KDELR1: variants seen among roughly 807,000 people sequenced by gnomAD.
The protein encoded by KDELR1 is KDEL endoplasmic reticulum protein retention receptor 1.
KDELR1 carries 16 observed loss-of-function variants against 25.5 expected under a neutral mutation model. The ratio of observed to expected loss-of-function variants is 0.63; its 90% confidence interval spans 0.43 to 0.95. The LOEUF is 0.95. Among genes scored for constraint, KDELR1 ranks in the 40% least tolerant of loss-of-function variants. The probability of loss-of-function intolerance (pLI) is 0.00; values close to 1 mark genes in which losing one functional copy is unlikely to be tolerated. For synonymous variants in KDELR1, 121 were observed against 115.0 expected (o/e 1.05, Z -0.33); for missense variants, 159 against 265.2 (o/e 0.60, Z 2.78).
intron 2 of KDELR1, 148 bp downstream of exon 2, chr19:48,390,276 G>C: frequency 6.3e-6 from 3 of 478,528 alleles, no homozygotes; most frequent in Non-Finnish European, 1.1e-5. Flanking sequence ...TCTTCCCTCA[G>C]ACCCAAGAGT....
chr19:48,395,360 C>A (rs369410943), upstream of KDELR1, among the ~76,000 whole-genome samples: 8 of 151,818 alleles, frequency 5.3e-5, no homozygotes, highest in Non-Finnish European at 1.2e-4. Flanking sequence ...GCTATTAATA[C>A]CCCCGCCAAG....
In KDELR1 at chr19:48,391,458, C is replaced by G; in HGVS notation, c.-100G>C. 1 of 907,946 alleles carries G rather than the reference C, an allele frequency of 1.1e-6. No homozygotes were observed. The highest frequency in any genetic ancestry group is 1.7e-6 in the Non-Finnish European group (1 of 573,558). The allele number at this position is 907,946 out of a possible 1,614,324, so 56.2% of individuals were successfully genotyped here. A position where few individuals can be genotyped will look rare whatever the true frequency, so the allele number is the denominator to read the frequency against. On this transcript the variant is annotated 5_prime_UTR_variant, in exon 1 of 5. Transcript: ENST00000330720. ...TGAACGGGTAGCTGGGCTGGGGGGA[C>G]GGAAGAGGGACCCTAGGTGCGCTCC...
intron 4 of KDELR1, 132 bp from the exon 5 acceptor site, chr19:48,383,459 C>T: frequency 1.4e-6 from 1 of 738,440 alleles, no homozygotes; most frequent in Non-Finnish European, 2.3e-6. Flanking sequence ...CCAGGACTCA[C>T]AGATACATTC....
intron 3 of KDELR1, among the ~76,000 whole-genome samples, chr19:48,385,661 A>G (rs1970489798): frequency 6.6e-6 from 1 of 152,200 alleles, no homozygotes; most frequent in Non-Finnish European, 1.5e-5. Flanking sequence ...TGATCTGCAG[A>G]CACACTGAAA....
At chr19:48,388,174 G>A (rs1381202486) in intron 3 of KDELR1, among the ~76,000 whole-genome samples, 1 of 152,168 alleles carries the variant, frequency 6.6e-6, no homozygotes, top group Non-Finnish European at 1.5e-5. Flanking sequence ...GAGGCACAGG[G>A]TAGTTATGTG....
At chr19:48,389,999 GCC>G (rs1189827067) in intron 2 of KDELR1, among the ~76,000 whole-genome samples, 1 of 131,830 alleles carries the variant, frequency 7.6e-6, no homozygotes, top group Non-Finnish European at 1.6e-5. Flanking sequence ...TGGAGTCCAG[GCC>G]CCCAGCCCCT....
chr19:48,385,875 T>A (rs1385655620), intron 3 of KDELR1, among the ~76,000 whole-genome samples: 1 of 152,194 alleles, frequency 6.6e-6, no homozygotes, highest in African/African-American at 2.4e-5. Context: ...ATTCTACAGA[T>A]GAGGAAACTG....
At position 48,383,183 on chromosome 19, in the gene KDELR1, CA is replaced by C. The variant is rs1970469789; in HGVS notation, c.*109del. 1.7e-6 allele frequency: 2 copies of C among 1,165,176 alleles called. No individual in the cohort carries two copies. The highest frequency in any genetic ancestry group is 2.6e-5 in the East Asian group (1 of 39,150). The allele number at this position is 1,165,176 out of a possible 1,614,324, so 72.2% of individuals were successfully genotyped here. On this transcript the variant is annotated 3_prime_UTR_variant, in exon 5 of 5. Transcript: ENST00000330720. Reference sequence around the variant, plus strand: ...CCGGCAGGAGGCGGGATGGGGAGCACAAGAGGTGGGTTCTTAAAAAAGTCAC... The same window carrying C: ...CCGGCAGGAGGCGGGATGGGGAGCACAGAGGTGGGTTCTTAAAAAAGTCAC...
upstream of KDELR1, among the ~76,000 whole-genome samples, chr19:48,393,594 G>A (rs898552032): frequency 1.3e-5 from 2 of 152,138 alleles, no homozygotes; most frequent in Admixed American, 6.5e-5. The surrounding 1 kb of genome is among the most constrained non-coding windows in gnomAD (Gnocchi z 5.6). Context: ...GCAGGAGAAG[G>A]GGTCCCCAGG....
At position 48,384,317 on chromosome 19, in the gene KDELR1, C is replaced by T. The variant is rs1265951736; in HGVS notation, c.517G>A (p.Glu173Lys). Residue 173 changes from glutamate (E) to lysine (K), a missense_variant, in exon 4 of 5, where the codon GAG (glutamate) becomes AAG (lysine). Transcript: ENST00000330720. This position sits in a 1 kb window ranked among gnomAD's most constrained non-coding sequence, Gnocchi z 4.6. Reference protein sequence around the residue: ...LFNWIWRYHFEGFFDLIAIVA... With the variant: ...LFNWIWRYHFKGFFDLIAIVA... Reference sequence around the variant, plus strand: ...ATGGCGATGAGGTCGAAGAAGCCCTCGAAATGGTAGCGCCAGATCCAGTTG... The same window carrying T: ...ATGGCGATGAGGTCGAAGAAGCCCTTGAAATGGTAGCGCCAGATCCAGTTG... 1.2e-6 allele frequency: 2 copies of T among 1,614,208 alleles called. No individual in the cohort carries two copies. The highest frequency in any genetic ancestry group is 8.5e-7 in the Non-Finnish European group (1 of 1,180,050).
chr19:48,391,124 C>G (rs997191434), intron 1 of KDELR1, 144 bp downstream of exon 1: 4 of 733,748 alleles, frequency 5.5e-6, no homozygotes, highest in Non-Finnish European at 9.4e-6. Context: ...CCCTGGAGAC[C>G]CAGAACCTAG....
intron 1 of KDELR1, 145 bp downstream of exon 1, chr19:48,391,123 C>T: frequency 1.4e-6 from 1 of 726,890 alleles, no homozygotes; most frequent in Non-Finnish European, 2.4e-6. Context: ...CCCCTGGAGA[C>T]CCAGAACCTA....
intron 1 of KDELR1, chr19:48,390,740 T>G (rs1265018328): frequency 1.2e-5 from 6 of 521,176 alleles, no homozygotes; most frequent in African/African-American, 3.9e-5. Flanking sequence ...CAGGGCCCTT[T>G]CCCACGGACC....
At chr19:48,387,092 G>C (rs1049611106) in intron 3 of KDELR1, among the ~76,000 whole-genome samples, 2 of 148,858 alleles carry the variant, frequency 1.3e-5, no homozygotes, top group Non-Finnish European at 3.0e-5. Context: ...AAAGACGCCT[G>C]GGTTCTGGTC....
upstream of KDELR1, among the ~76,000 whole-genome samples, chr19:48,395,710 G>A (rs1203276258): frequency 1.3e-5 from 2 of 152,042 alleles, no homozygotes; most frequent in African/African-American, 4.8e-5. Flanking sequence ...GGATCTAAGT[G>A]GGGTGACTAG....
Position 48,391,477 on chromosome 19 carries a change from G to A in KDELR1, c.-119C>T. ...GGGGGACGGAAGAGGGACCCTAGGT[G>A]CGCTCCGCTCCGGGGAGGGGACTTT... On this transcript the variant is annotated 5_prime_UTR_variant, in exon 1 of 5. Transcript: ENST00000330720. 3 of 751,802 alleles carry A rather than the reference G, an allele frequency of 4.0e-6. No homozygotes were observed. Among genetic ancestry groups the A allele is most frequent in the South Asian group, 1.6e-5 (1 of 61,996 alleles). 46.6% of individuals were successfully genotyped at this position (751,802 alleles called of 1,614,324 possible).
chr19:48,389,522 C>A, intron 3 of KDELR1, 31 bp downstream of exon 3: 6 of 1,613,002 alleles, frequency 3.7e-6, no homozygotes, highest in African/African-American at 1.3e-5. Context: ...CAACCATCCC[C>A]CCAAATAAGG....
chr19:48,391,504 G>A lies in KDELR1; in HGVS notation c.-146C>T. The A allele has an allele frequency of 1.6e-6, 1 of 639,584 alleles. No homozygotes were observed. The highest frequency in any genetic ancestry group is 1.9e-5 in the South Asian group (1 of 53,986). The allele number at this position is 639,584 out of a possible 1,614,324, so 39.6% of individuals were successfully genotyped here. On this transcript the variant is annotated 5_prime_UTR_variant, in exon 1 of 5. Coordinates refer to ENST00000330720, the MANE Select transcript of KDELR1 (RefSeq NM_006801.3). Reference sequence around the variant, plus strand: ...GCTCCGCTCCGGGGAGGGGACTTTGGGAGGGGGAGCAAAGGCTGGAGCTGG... The same window carrying A: ...GCTCCGCTCCGGGGAGGGGACTTTGAGAGGGGGAGCAAAGGCTGGAGCTGG...
Position 48,384,572 on chromosome 19 carries a change from G to A in KDELR1, c.352-90C>T. 6.8e-7 allele frequency: 1 copy of A among 1,476,158 alleles called. No homozygotes were observed. The highest frequency in any genetic ancestry group is 9.1e-7 in the Non-Finnish European group (1 of 1,096,698). The allele number at this position is 1,476,158 out of a possible 1,614,324, so 91.4% of individuals were successfully genotyped here. A position where few individuals can be genotyped will look rare whatever the true frequency, so the allele number is the denominator to read the frequency against. ...ACATTGCAGTTACAGGTGCCGCGAAGGTGGAGAGAAGGAAGGTGATCCAGG... is the reference window on the plus strand; with the variant it reads ...ACATTGCAGTTACAGGTGCCGCGAAAGTGGAGAGAAGGAAGGTGATCCAGG... On this transcript the variant is annotated intron_variant, in intron 3 of 4. Transcript: ENST00000330720. This position sits in a 1 kb window ranked among gnomAD's most constrained non-coding sequence, Gnocchi z 4.6.
Sources: allele counts gnomAD v4.1 joint callset (sites outside exome capture counted in the v4.1 genomes callset), GRCh38; gene constraint gnomAD v4.1.1; non-coding constraint Gnocchi (gnomAD v3.1); transcripts MANE v1.5; gene names NCBI Gene and HGNC (gene_info 2026-07-23, HGNC 2026-07-21).